The following WWOX variants were observed in gnomAD, a reference collection of about 807,000 sequenced individuals.
WWOX encodes WW domain containing oxidoreductase.
Under a neutral mutation model 46.2 loss-of-function variants are expected in WWOX, and 69 were observed. The observed-to-expected ratio is 1.49, with a 90% CI of 1.23 to 1.82. WWOX has a LOEUF of 1.82. Among genes scored for constraint, WWOX ranks in the 40% most tolerant of loss-of-function variants. WWOX has a pLI of 0.00. For missense variants in WWOX, 919 were observed against 542.6 expected (o/e 1.69, Z -6.89); for synonymous variants, 359 against 202.6 (o/e 1.77, Z -6.56).
At chr16:78,345,458 C>CACA (rs1475313034) in intron 5 of WWOX, among the ~76,000 whole-genome samples, 4 of 26,780 alleles carry the variant, frequency 1.5e-4, no homozygotes, top group African/African-American at 3.4e-4. Flanking sequence ...CCATCGCTAC[C>CACA]AAAAAAAAAA....
intron 4 of WWOX, among the ~76,000 whole-genome samples, chr16:78,125,585 G>T (rs2033327523): frequency 6.6e-6 from 1 of 152,118 alleles, no homozygotes; most frequent in Non-Finnish European, 1.5e-5. Flanking sequence ...CTTAGGAGTG[G>T]GCATGGTGGT....
rs2083044569 is a variant in WWOX at position 78,425,044 on chromosome 16, A to C, written c.780A>C (p.Ser260=). 1 of 1,613,698 alleles carries C rather than the reference A, an allele frequency of 6.2e-7. No homozygotes were observed. Among genetic ancestry groups the C allele is most frequent in the Non-Finnish European group, 8.5e-7 (1 of 1,180,016 alleles). Residue 260 remains serine, a synonymous_variant, in exon 7 of 9, where the codon TCA becomes TCC. Coordinates refer to ENST00000566780, the MANE Select transcript of WWOX (RefSeq NM_016373.4). ...SAPARVIVVS[S]ESHRFTDIND... ...CTGCCCGTGTCATTGTGGTCTCCTC[A>C]GAGTCCCATCGGTGGGTTTGAATTG...
At chr16:78,522,859 G>T (rs952731475) in intron 8 of WWOX, among the ~76,000 whole-genome samples, 18 of 152,190 alleles carry the variant, frequency 1.2e-4, no homozygotes, top group Non-Finnish European at 2.2e-4. Context: ...ATCACTCGAG[G>T]TCAGGAGTTT....
At chr16:78,696,421 T>G (rs1397620066) in intron 8 of WWOX, among the ~76,000 whole-genome samples, 1 of 152,142 alleles carries the variant, frequency 6.6e-6, no homozygotes, top group Non-Finnish European at 1.5e-5. Context: ...TTTGGGATGC[T>G]GAGAAAACCA....
intron 8 of WWOX, among the ~76,000 whole-genome samples, chr16:78,998,281 C>G (rs982543045): frequency 6.6e-6 from 1 of 152,182 alleles, no homozygotes; most frequent in African/African-American, 2.4e-5. Flanking sequence ...AGTTCATTCT[C>G]TCTGATCTAA....
chr16:79,144,309 C>T (rs1372567715), intron 8 of WWOX, among the ~76,000 whole-genome samples: 1 of 152,218 alleles, frequency 6.6e-6, no homozygotes, highest in Non-Finnish European at 1.5e-5. Flanking sequence ...TCAGTCCCTT[C>T]AACTGATAGA....
chr16:78,962,410 G>T (rs1014086148), intron 8 of WWOX, among the ~76,000 whole-genome samples: 2 of 147,870 alleles, frequency 1.4e-5, no homozygotes, highest in Non-Finnish European at 3.0e-5. Flanking sequence ...GGAGGCTGAG[G>T]AGTTTTACAC....
chr16:79,113,043 A>G (rs2049447366), intron 8 of WWOX, among the ~76,000 whole-genome samples: 1 of 152,224 alleles, frequency 6.6e-6, no homozygotes, highest in Non-Finnish European at 1.5e-5. Flanking sequence ...GCTGAAGAAC[A>G]ATGGTGAACG....
At chr16:78,991,780 T>C (rs928121852) in intron 8 of WWOX, among the ~76,000 whole-genome samples, 2 of 152,108 alleles carry the variant, frequency 1.3e-5, no homozygotes, top group Non-Finnish European at 1.5e-5. Context: ...CATTTCCGTG[T>C]TCCCATAAGC....
At chr16:79,130,929 G>A (rs2049865261) in intron 8 of WWOX, among the ~76,000 whole-genome samples, 2 of 152,198 alleles carry the variant, frequency 1.3e-5, no homozygotes, top group African/African-American at 4.8e-5. Context: ...GCCAACCGAA[G>A]AGACCACTGC....
At chr16:78,189,129 G>A (rs905015768) in intron 5 of WWOX, among the ~76,000 whole-genome samples, 1 of 152,154 alleles carries the variant, frequency 6.6e-6, no homozygotes, top group Non-Finnish European at 1.5e-5. Context: ...CAAGACATGG[G>A]TTCAGGTCTG....
chr16:78,821,339 C>G (rs2051487313), intron 8 of WWOX, among the ~76,000 whole-genome samples: 1 of 152,068 alleles, frequency 6.6e-6, no homozygotes, highest in Non-Finnish European at 1.5e-5. Flanking sequence ...AAGCCAAGCG[C>G]CCCCCAGCCC....
At chr16:78,569,049 C>T (rs908524660) in intron 8 of WWOX, among the ~76,000 whole-genome samples, 8 of 152,256 alleles carry the variant, frequency 5.3e-5, no homozygotes, top group African/African-American at 1.7e-4. Context: ...TGGGTGTCAG[C>T]CTCTTGGGCT....
At chr16:78,704,004 A>G (rs1021709738) in intron 8 of WWOX, among the ~76,000 whole-genome samples, 2 of 152,178 alleles carry the variant, frequency 1.3e-5, no homozygotes, top group Non-Finnish European at 2.9e-5. Context: ...ATAAAAGGGC[A>G]TTCCTGTTGT....
At chr16:79,119,118 G>C (rs1423871435) in intron 8 of WWOX, among the ~76,000 whole-genome samples, 1 of 151,926 alleles carries the variant, frequency 6.6e-6, no homozygotes, top group African/African-American at 2.4e-5. Context: ...CTCTCCAAAA[G>C]GTTTGTAGCA....
intron 8 of WWOX, among the ~76,000 whole-genome samples, chr16:78,542,964 G>C (rs914474114): frequency 6.6e-6 from 1 of 152,208 alleles, no homozygotes; most frequent in Non-Finnish European, 1.5e-5. Flanking sequence ...AGTAGAAGCA[G>C]AATAGCAAAC....
intron 8 of WWOX, among the ~76,000 whole-genome samples, chr16:79,000,987 G>A (rs532304947): frequency 5.9e-5 from 9 of 152,178 alleles, no homozygotes; most frequent in Admixed American, 3.9e-4. Context: ...GCCTACCACC[G>A]CCTGGGGTCC....
intron 8 of WWOX, among the ~76,000 whole-genome samples, chr16:79,030,317 C>T (rs1362110194): frequency 6.6e-6 from 1 of 152,188 alleles, no homozygotes; most frequent in South Asian, 2.1e-4. Context: ...CCAGTGCGTA[C>T]GCAGATCTTC....
At chr16:78,175,515 C>G (rs937236028) in intron 5 of WWOX, among the ~76,000 whole-genome samples, 1 of 152,124 alleles carries the variant, frequency 6.6e-6, no homozygotes, top group African/African-American at 2.4e-5. Flanking sequence ...CTTGCTCACT[C>G]TCTTGGATCA....
Sources: gnomAD v4.1 joint callset for allele counts (sites outside exome capture counted in the v4.1 genomes callset) on GRCh38, gnomAD v4.1.1 for gene constraint, MANE v1.5 for transcripts, NCBI Gene and HGNC (gene_info 2026-07-23, HGNC 2026-07-21) for gene names.